Variants in TTC6 observed in about 807,000 individuals in gnomAD.
TTC6 encodes the protein tetratricopeptide repeat protein 6.
Under a neutral mutation model 210.4 loss-of-function variants are expected in TTC6, and 172 were observed. The ratio of observed to expected loss-of-function variants is 0.82; its 90% CI spans 0.72 to 0.93. The LOEUF (loss-of-function observed/expected upper bound fraction) is 0.93, where lower values mean the gene tolerates loss of function less well. Among genes scored for constraint, TTC6 ranks in the 40% least tolerant of loss-of-function variants. TTC6 has a pLI of 0.00. For synonymous variants in TTC6, 804 were observed against 819.6 expected, an observed-to-expected ratio of 0.98 and a Z score of 0.32; for missense variants, 2,414 against 2,318.1, an observed-to-expected ratio of 1.04 and a Z score of -0.85.
At chr14:37,692,997 T>C (rs1437966152) in intron 3 of TTC6, among the ~76,000 whole-genome samples, 1 of 152,162 alleles carries the variant, frequency 6.6e-6, no homozygotes, top group Non-Finnish European at 1.5e-5. Context: ...ACCTGAAAGA[T>C]GCCCACTCTC....
intron 14 of TTC6, among the ~76,000 whole-genome samples, chr14:37,760,003 C>T (rs1359311882): frequency 1.3e-5 from 2 of 152,204 alleles, no homozygotes; most frequent in African/African-American, 2.4e-5. Flanking sequence ...CAACTTCTGT[C>T]AATTCGTCAA....
chr14:37,793,617 T>C (rs1444872276), intron 17 of TTC6, among the ~76,000 whole-genome samples: 1 of 152,172 alleles, frequency 6.6e-6, no homozygotes, highest in East Asian at 1.9e-4. Flanking sequence ...ACAATACTCA[T>C]AGTGTGTGGT....
At position 37,823,360 on chromosome 14, in the gene TTC6, G is replaced by C. The variant is rs531966769; in HGVS notation, c.4764-387G>C. On this transcript the variant is annotated intron_variant, in intron 26 of 30. Transcript: ENST00000553443. ...GGAAATATTAAATACATATAAATAA[G>C]TTTAATTTAATTTTGAAAGTACATT... Among the ~76,000 whole-genome samples the C allele has an allele frequency of 1.7e-3, 255 of 152,154 alleles. 1 individual carries two copies. The highest frequency in any genetic ancestry group is 5.4e-3 in the African/African-American group (225 of 41,508).
intron 20 of TTC6, among the ~76,000 whole-genome samples, chr14:37,797,419 G>T (rs2096095241): frequency 6.6e-6 from 1 of 151,932 alleles, no homozygotes; most frequent in Non-Finnish European, 1.5e-5. Context: ...TTGAGCATCA[G>T]GTTGAGAATC....
At chr14:37,701,571 G>T in intron 5 of TTC6, 45 bp downstream of exon 7, 1 of 1,380,784 alleles carries the variant, frequency 7.2e-7, no homozygotes, top group African/African-American at 1.5e-5. Flanking sequence ...AATGTAAACT[G>T]TCATATAAAT....
At chr14:37,693,300 A>G (rs1271760003) in intron 3 of TTC6, among the ~76,000 whole-genome samples, 1 of 152,144 alleles carries the variant, frequency 6.6e-6, no homozygotes, top group Non-Finnish European at 1.5e-5. Context: ...CAAAATACCT[A>G]GGAATTAACC....
At chr14:37,749,808 T>C in exon 12 of TTC6, 1 of 1,447,978 alleles carries the variant, frequency 6.9e-7, no homozygotes, top group South Asian at 1.5e-5. Context: ...TTGGATGACT[T>C]GAATTATATA....
chr14:37,774,294 A>G (rs962994884), intron 14 of TTC6, among the ~76,000 whole-genome samples: 1 of 152,004 alleles, frequency 6.6e-6, no homozygotes, highest in South Asian at 2.1e-4. Context: ...TTCCAGTACT[A>G]TGGTCAATAG....
chr14:37,610,191 C>G (rs911105938), intron 2 of TTC6, among the ~76,000 whole-genome samples: 2 of 152,190 alleles, frequency 1.3e-5, no homozygotes, highest in African/African-American at 4.8e-5. Context: ...CCTGAGGATG[C>G]CTGAGTGCAT....
At chr14:37,686,464 G>A (rs1440685859) in intron 3 of TTC6, among the ~76,000 whole-genome samples, 1 of 152,270 alleles carries the variant, frequency 6.6e-6, no homozygotes, top group Non-Finnish European at 1.5e-5. Context: ...CTAGTACATG[G>A]AAGTCTCGTG....
At chr14:37,795,401 A>G in intron 18 of TTC6, 49 bp downstream of exon 20, 1 of 1,266,748 alleles carries the variant, frequency 7.9e-7, no homozygotes, top group Non-Finnish European at 1.1e-6. Context: ...AGCATCAGAG[A>G]AATTGAATGG....
chr14:37,622,295 T>A, exon 1 of TTC6: 1 of 1,534,838 alleles, frequency 6.5e-7, no homozygotes, highest in Non-Finnish European at 8.7e-7. Flanking sequence ...GAAGATACCC[T>A]TCGCTTAAAG....
chr14:37,694,079 C>T (rs1447569437), intron 3 of TTC6, among the ~76,000 whole-genome samples: 1 of 152,116 alleles, frequency 6.6e-6, no homozygotes, highest in Non-Finnish European at 1.5e-5. Flanking sequence ...CCCATAAGCA[C>T]AGGCAACCAA....
intron 1 of TTC6, among the ~76,000 whole-genome samples, chr14:37,627,821 C>T (rs181836974): frequency 1.9e-3 from 291 of 152,228 alleles, no homozygotes; most frequent in Non-Finnish European, 2.5e-3. Context: ...GTAATGGGAT[C>T]GCTGGGTCAA....
At chr14:37,671,956 C>T (rs2095759096) in intron 1 of TTC6, among the ~76,000 whole-genome samples, 1 of 152,132 alleles carries the variant, frequency 6.6e-6, no homozygotes, top group Non-Finnish European at 1.5e-5. Context: ...TTGTAAGTTT[C>T]CTGAGGGCTC....
chr14:37,693,160 CA>C (rs1284516510), intron 3 of TTC6, among the ~76,000 whole-genome samples: 5 of 151,268 alleles, frequency 3.3e-5, no homozygotes, highest in Non-Finnish European at 7.4e-5. Context: ...AAAGACTCCA[CA>C]AAAAACTATG....
intron 8 of TTC6, 39 bp from the exon 11 acceptor site, chr14:37,737,621 C>G (rs766992188): frequency 6.7e-6 from 8 of 1,187,692 alleles, no homozygotes; most frequent in South Asian, 1.4e-5. Context: ...CAGATAGTAT[C>G]TGTGACTAAT....
At chr14:37,710,522 A>C (rs543847982) in intron 5 of TTC6, among the ~76,000 whole-genome samples, 1 of 152,052 alleles carries the variant, frequency 6.6e-6, no homozygotes, top group African/African-American at 2.4e-5. Flanking sequence ...CCTTCATTCA[A>C]CTCCCTCAAT....
intron 1 of TTC6, among the ~76,000 whole-genome samples, chr14:37,656,850 G>A (rs988714256): frequency 3.3e-5 from 5 of 152,046 alleles, no homozygotes; most frequent in Admixed American, 2.6e-4. Flanking sequence ...AGGAACTAGG[G>A]GTGGTTGATC....
Sources: allele counts gnomAD v4.1 joint callset (sites outside exome capture counted in the v4.1 genomes callset), GRCh38; gene constraint gnomAD v4.1.1; transcripts MANE v1.5; gene names NCBI Gene and HGNC (gene_info 2026-07-23, HGNC 2026-07-21).